Variants in ARHGEF9 observed in about 807,000 individuals in gnomAD.
ARHGEF9 encodes rho guanine nucleotide exchange factor 9.
Under a neutral mutation model 41.3 loss-of-function variants are expected in ARHGEF9, and 2 were observed. The observed-to-expected ratio is 0.05, with a 90% confidence interval of 0.02 to 0.15. The LOEUF is 0.15. Ranked by LOEUF, ARHGEF9 falls within the 10% of genes least tolerant of loss-of-function variation. The pLI is 1.00. For missense variants in ARHGEF9, 225 were observed against 424.7 expected (o/e 0.53, Z 4.13); for synonymous variants, 160 against 154.4 (o/e 1.04, Z -0.27).
In ARHGEF9 at chrX:63,635,282, G is replaced by C. The variant is rs1375899843; in HGVS notation, c.*2746C>G. 2.0e-6 allele frequency: 1 copy of C among 510,999 alleles called. No homozygotes were observed. Among genetic ancestry groups the C allele is most frequent in the Non-Finnish European group, 3.5e-6 (1 of 282,022 alleles). 42.1% of individuals were successfully genotyped at this position (510,999 alleles called of 1,213,427 possible). ...GATCCATTAGAAATATACACATAGAGAGGGGGGGAAAAAGAGAGAATAATT... is the reference window on the plus strand; with the variant it reads ...GATCCATTAGAAATATACACATAGACAGGGGGGGAAAAAGAGAGAATAATT... On this transcript the variant is annotated 3_prime_UTR_variant, in exon 10 of 10. Coordinates refer to ENST00000671741, the MANE Select transcript of ARHGEF9 (RefSeq NM_001353921.2).
At chrX:63,673,952 T>C (rs2050107040) in intron 6 of ARHGEF9, 86 bp downstream of exon 6, 1 of 1,116,598 alleles carries the variant, frequency 9.0e-7, no homozygotes, top group African/African-American at 1.8e-5. Flanking sequence ...TCAAATGTAA[T>C]TTCTCTTCAC....
chrX:63,709,445 C>A lies in ARHGEF9; in HGVS notation c.211-2996G>T, dbSNP rs782578696. ...CACGGAGTGCTTTCCAAATTGGAGA[C>A]AATCTCTGGTCTTTATTACTCCCTT... On this transcript the variant is annotated intron_variant, in intron 2 of 9. Transcript: ENST00000671741. Among the ~76,000 whole-genome samples the A allele has an allele frequency of 3.7e-4, 42 of 112,218 alleles. 2 individuals carry two copies. Among genetic ancestry groups the A allele is most frequent in the Non-Finnish European group, 3.2e-4 (17 of 53,190 alleles).
intron 4 of ARHGEF9, among the ~76,000 whole-genome samples, chrX:63,680,418 C>G (rs1428102209): frequency 8.9e-6 from 1 of 112,226 alleles, no homozygotes; most frequent in Admixed American, 9.4e-5. Context: ...AGGGAGGAGA[C>G]AGGAGTGTAC....
chrX:63,784,111 G>T (rs1330944577), intron 1 of ARHGEF9, among the ~76,000 whole-genome samples: 2 of 112,105 alleles, frequency 1.8e-5, no homozygotes, highest in Admixed American at 9.4e-5. Context: ...CTTCATCTGC[G>T]GGTTATGGGT....
intron 1 of ARHGEF9, among the ~76,000 whole-genome samples, chrX:63,774,288 G>T (rs1438587646): frequency 9.0e-6 from 1 of 111,303 alleles, no homozygotes; most frequent in African/African-American, 3.3e-5. Flanking sequence ...TTAATCATAC[G>T]TTTTTCCCAT....
chrX:63,694,822 C>T (rs1290724616), intron 4 of ARHGEF9, among the ~76,000 whole-genome samples: 4 of 111,501 alleles, frequency 3.6e-5, no homozygotes, highest in Non-Finnish European at 5.7e-5. Flanking sequence ...AAAGTATACA[C>T]TTAAAATCAC....
chrX:63,728,840 A>G (rs782489571), intron 1 of ARHGEF9, among the ~76,000 whole-genome samples: 25 of 111,491 alleles, frequency 2.2e-4, no homozygotes, highest in Non-Finnish European at 3.0e-4. Context: ...GATGGGTAGG[A>G]TGGTACCAGA....
chrX:63,777,332 G>A (rs782453387), intron 1 of ARHGEF9, among the ~76,000 whole-genome samples: 11 of 111,295 alleles, frequency 9.9e-5, no homozygotes, highest in South Asian at 3.9e-4. Context: ...GTAACTGCCC[G>A]CATGACTCAA....
chrX:63,686,754 C>A (rs2051010453), intron 4 of ARHGEF9, among the ~76,000 whole-genome samples: 1 of 110,833 alleles, frequency 9.0e-6, no homozygotes, highest in South Asian at 3.9e-4. Context: ...AGCCACTGCC[C>A]AGATTATCAA....
chrX:63,673,901 A>C, intron 6 of ARHGEF9, 137 bp downstream of exon 6: 5 of 844,011 alleles, frequency 5.9e-6, no homozygotes, highest in Non-Finnish European at 8.3e-6. Context: ...ATTAGCAAGA[A>C]ATTTTACCTT....
At position 63,644,079 on chromosome X, in the gene ARHGEF9, T is replaced by C. The variant is rs576608472; in HGVS notation, c.1322-31A>G. 1,699 of 1,098,261 alleles carry C rather than the reference T, an allele frequency of 1.5e-3. 24 individuals carry two copies. In the South Asian group the frequency reaches 0.03, roughly 19 times the overall value. 90.5% of individuals were successfully genotyped at this position (1,098,261 alleles called of 1,213,427 possible). ...AAAGAAAAATATATGATTTTTTAAA[T>C]GAGAAACACACACCCTTACTGAGTG... On this transcript the variant is annotated intron_variant, in intron 8 of 9. Transcript: ENST00000671741.
At chrX:63,666,205 C>A (rs1243938479) in intron 6 of ARHGEF9, among the ~76,000 whole-genome samples, 188 bp from the exon 7 acceptor site, 2 of 107,860 alleles carry the variant, frequency 1.9e-5, no homozygotes, top group Non-Finnish European at 3.8e-5. Flanking sequence ...CTAGGAAGAC[C>A]CATTTTCTTA....
intron 1 of ARHGEF9, among the ~76,000 whole-genome samples, chrX:63,739,292 T>C: frequency 9.0e-6 from 1 of 110,981 alleles, no homozygotes; most frequent in Non-Finnish European, 1.9e-5. Flanking sequence ...CACAACAGCC[T>C]AACATCTCCA....
intron 1 of ARHGEF9, among the ~76,000 whole-genome samples, chrX:63,744,924 G>A (rs1269880108): frequency 1.8e-5 from 2 of 111,988 alleles, no homozygotes; most frequent in African/African-American, 6.5e-5. Context: ...CTGCCATGCA[G>A]GGCTTATCAG....
Position 63,654,339 on chromosome X carries a change from A to G in ARHGEF9, c.1321+1155T>C, listed in dbSNP as rs1465690605. Among the ~76,000 whole-genome samples, 4 of 111,747 alleles carry G rather than the reference A, an allele frequency of 3.6e-5. No homozygotes were observed. The East Asian group carries it at 1.1e-3, about 32-fold the overall frequency. On this transcript the variant is annotated intron_variant, in intron 8 of 9. Transcript: ENST00000671741. ...CTTCTAATTGATTCAGGGTCTGAAC[A>G]CTAAGACCATTCCTTTAATAACTCT...
At chrX:63,745,027 C>T (rs2055181144) in intron 1 of ARHGEF9, among the ~76,000 whole-genome samples, 1 of 106,241 alleles carries the variant, frequency 9.4e-6, no homozygotes, top group African/African-American at 3.5e-5. Context: ...GCACAATTCA[C>T]AGAGGGAGGA....
intron 2 of ARHGEF9, among the ~76,000 whole-genome samples, chrX:63,718,919 T>C (rs113721135): frequency 0.025 from 2,792 of 111,415 alleles, 79 homozygotes; most frequent in African/African-American, 0.087. Context: ...GGAGGAATCA[T>C]CTGGGTGATG....
intron 3 of ARHGEF9, among the ~76,000 whole-genome samples, chrX:63,699,320 T>C (rs1417905554): frequency 9.0e-6 from 1 of 111,605 alleles, no homozygotes; most frequent in Non-Finnish European, 1.9e-5. Flanking sequence ...GTGACCACAA[T>C]GAGAGACAGA....
intron 1 of ARHGEF9, among the ~76,000 whole-genome samples, chrX:63,776,305 A>G (rs1161216394): frequency 9.1e-6 from 1 of 110,420 alleles, no homozygotes; most frequent in Non-Finnish European, 1.9e-5. Context: ...CAAATACTGA[A>G]TTTTTTAAGC....
Sources: allele counts gnomAD v4.1 joint callset (sites outside exome capture counted in the v4.1 genomes callset), GRCh38; gene constraint gnomAD v4.1.1; transcripts MANE v1.5; gene names NCBI Gene and HGNC (gene_info 2026-07-23, HGNC 2026-07-21).